Variants in VRK2 observed in about 807,000 individuals in gnomAD.
The protein encoded by VRK2 is VRK serine/threonine kinase 2, also known as serine/threonine-protein kinase VRK2.
VRK2 carries 60 observed loss-of-function variants against 57.6 expected under a neutral mutation model. The ratio of observed to expected loss-of-function variants is 1.04; its 90% CI spans 0.85 to 1.29. VRK2 has a LOEUF of 1.29. VRK2 is among the 50% of genes most tolerant of loss of function. The pLI is 0.00. For synonymous variants in VRK2, 231 were observed against 199.2 expected, an observed-to-expected ratio of 1.16 and a Z score of -1.35; for missense variants, 705 against 588.1, an observed-to-expected ratio of 1.20 and a Z score of -2.06.
intron 1 of VRK2, among the ~76,000 whole-genome samples, chr2:57,945,696 A>G (rs553816269): frequency 6.6e-6 from 1 of 152,292 alleles, no homozygotes; most frequent in African/African-American, 2.4e-5. Context: ...AGTCACATGG[A>G]CATGGATGTA....
At chr2:58,070,858 A>G (rs968884932) in intron 2 of VRK2, among the ~76,000 whole-genome samples, 1 of 152,122 alleles carries the variant, frequency 6.6e-6, no homozygotes, top group African/African-American at 2.4e-5. Flanking sequence ...GTATACTAAG[A>G]CTGTGTTTAG....
chr2:58,059,998 A>G (rs1211625273), intron 2 of VRK2, among the ~76,000 whole-genome samples: 1 of 151,882 alleles, frequency 6.6e-6, no homozygotes, highest in Non-Finnish European at 1.5e-5. Context: ...AAAATCATGT[A>G]TTACAGTTCT....
At chr2:57,957,682 G>A (rs897555934) in intron 1 of VRK2, among the ~76,000 whole-genome samples, 1 of 149,334 alleles carries the variant, frequency 6.7e-6, no homozygotes, top group Non-Finnish European at 1.5e-5. Flanking sequence ...GACCACAAAT[G>A]GAATGAACTG....
upstream of VRK2, among the ~76,000 whole-genome samples, chr2:58,045,753 T>C (rs919054892): frequency 1.3e-5 from 2 of 151,842 alleles, no homozygotes; most frequent in African/African-American, 4.9e-5. Context: ...CAACCAATTA[T>C]TGGTGGTTAC....
At chr2:57,947,795 T>A (rs1046552121) in intron 1 of VRK2, among the ~76,000 whole-genome samples, 3 of 152,170 alleles carry the variant, frequency 2.0e-5, no homozygotes, top group Non-Finnish European at 2.9e-5. Flanking sequence ...GAGAGTCAAG[T>A]CAGAACCTTC....
intron 4 of VRK2, 119 bp from the exon 5 acceptor site, chr2:58,086,220 T>A: frequency 2.4e-6 from 2 of 823,272 alleles, no homozygotes; most frequent in Non-Finnish European, 3.8e-6. Context: ...TGAAAAAAAA[T>A]TATCTTCTAG....
At chr2:57,973,118 A>G (rs902752440) in intron 1 of VRK2, among the ~76,000 whole-genome samples, 13 of 151,852 alleles carry the variant, frequency 8.6e-5, no homozygotes, top group Non-Finnish European at 1.5e-4. Flanking sequence ...TAGGGATTGT[A>G]CCATTTTGTA....
chr2:57,967,447 A>G (rs1175793854), intron 1 of VRK2, among the ~76,000 whole-genome samples: 1 of 152,118 alleles, frequency 6.6e-6, no homozygotes, highest in Admixed American at 6.6e-5. Flanking sequence ...AGGTTAAGCC[A>G]ACAATTTCCA....
intron 2 of VRK2, among the ~76,000 whole-genome samples, chr2:58,077,150 TTA>T (rs1308749349): frequency 6.6e-6 from 1 of 152,074 alleles, no homozygotes; most frequent in African/African-American, 2.4e-5. Flanking sequence ...TTTTTGTCTT[TTA>T]TGAGCTTAGC....
intron 2 of VRK2, among the ~76,000 whole-genome samples, chr2:58,069,080 A>G (rs1669032045): frequency 6.6e-6 from 1 of 152,006 alleles, no homozygotes. Context: ...ATGCCTAGTA[A>G]CTCTGAATTA....
At chr2:57,951,644 T>C (rs1477522997) in intron 1 of VRK2, among the ~76,000 whole-genome samples, 1 of 152,220 alleles carries the variant, frequency 6.6e-6, no homozygotes, top group Middle Eastern at 3.2e-3. Context: ...TCTTCAGCAC[T>C]ATCACTGTCA....
At chr2:57,948,635 C>A (rs1246948997) in intron 1 of VRK2, among the ~76,000 whole-genome samples, 2 of 151,828 alleles carry the variant, frequency 1.3e-5, no homozygotes, top group African/African-American at 4.8e-5. Flanking sequence ...ACACATTGAT[C>A]AGAATAAGAA....
chr2:57,912,237 G>T (rs1036140034), intron 1 of VRK2, among the ~76,000 whole-genome samples: 1 of 152,084 alleles, frequency 6.6e-6, no homozygotes, highest in African/African-American at 2.4e-5. Flanking sequence ...TGCAATTTTG[G>T]TATAGATCTA....
chr2:57,937,895 G>GCA (rs1670968007), intron 1 of VRK2, among the ~76,000 whole-genome samples: 1 of 132,486 alleles, frequency 7.5e-6, no homozygotes, highest in African/African-American at 2.8e-5. Flanking sequence ...GCAATGGCAT[G>GCA]ATCTCGGCTC....
intron 1 of VRK2, among the ~76,000 whole-genome samples, chr2:57,925,020 T>C (rs1346017924): frequency 1.3e-5 from 2 of 152,152 alleles, no homozygotes; most frequent in African/African-American, 2.4e-5. Flanking sequence ...ATTCATTGAT[T>C]TGCCTATGTT....
chr2:57,981,140 T>G (rs1672411888), intron 1 of VRK2, among the ~76,000 whole-genome samples: 1 of 152,212 alleles, frequency 6.6e-6, no homozygotes, highest in African/African-American at 2.4e-5. Context: ...CAGTGGGCTA[T>G]GTACTTAAGT....
At chr2:58,064,541 C>CTA (rs1386321209) in intron 2 of VRK2, among the ~76,000 whole-genome samples, 1 of 152,120 alleles carries the variant, frequency 6.6e-6, no homozygotes, top group African/African-American at 2.4e-5. Context: ...CCTTAATAAA[C>CTA]TACAGTATAG....
chr2:58,041,244 G>C (rs1387949208), intron 3 of VRK2, among the ~76,000 whole-genome samples: 1 of 152,098 alleles, frequency 6.6e-6, no homozygotes, highest in Non-Finnish European at 1.5e-5. Flanking sequence ...TTTACATTTT[G>C]TTTGGCAGCA....
At chr2:57,943,676 C>A (rs138431114) in intron 1 of VRK2, among the ~76,000 whole-genome samples, 56 of 152,214 alleles carry the variant, frequency 3.7e-4, no homozygotes, top group Admixed American at 1.2e-3. Flanking sequence ...GATCACCAGA[C>A]AACAAAAGGG....
Sources: allele counts gnomAD v4.1 joint callset (sites outside exome capture counted in the v4.1 genomes callset), GRCh38; gene constraint gnomAD v4.1.1; transcripts MANE v1.5; gene names NCBI Gene and HGNC (gene_info 2026-07-23, HGNC 2026-07-21).